Variants in ZNF76 observed in about 807,000 individuals in gnomAD.
ZNF76 encodes the protein zinc finger protein 523.
A neutral mutation model predicts 66.9 loss-of-function variants in ZNF76; 66 were observed. The observed-to-expected ratio is 0.99, with a 90% CI of 0.81 to 1.21. The LOEUF (loss-of-function observed/expected upper bound fraction) is 1.21. Among genes scored for constraint, ZNF76 ranks in the 50% most tolerant of loss-of-function variants. The pLI is 0.00. For synonymous variants in ZNF76, 275 were observed against 296.1 expected, an observed-to-expected ratio of 0.93 and a Z score of 0.73; for missense variants, 729 against 760.3, an observed-to-expected ratio of 0.96 and a Z score of 0.48.
chr6:35,294,878 C>T (rs1790960678), intron 13 of ZNF76: 2 of 573,020 alleles, frequency 3.5e-6, no homozygotes, highest in African/African-American at 1.9e-5. Flanking sequence ...TAGATGATCA[C>T]CACGGTTCTC....
intron 1 of ZNF76, among the ~76,000 whole-genome samples, chr6:35,260,212 G>A (rs945691374): frequency 2.0e-5 from 3 of 152,060 alleles, no homozygotes; most frequent in Admixed American, 6.5e-5. Context: ...GACTCCCTCA[G>A]TTTTAATCCG....
rs2150377272 is a variant in ZNF76, at chr6:35,292,465, C to A, written c.932-89C>A. On this transcript the variant is annotated intron_variant, in intron 9 of 13. Coordinates refer to ENST00000373953, the MANE Select transcript of ZNF76 (RefSeq NM_003427.5). The surrounding 1 kb of genome is among the most constrained non-coding windows in gnomAD (Gnocchi z 4.7). ...TCCCTCTCCCTCCCTCTGGCTCTCC[C>A]TTCACCAACCCTGTCCCTCACCCCT... is the stretch of plus-strand genomic sequence containing the variant. 7.1e-7 allele frequency: 1 copy of A among 1,416,782 alleles called. No homozygotes were observed. Among genetic ancestry groups the A allele is most frequent in the Non-Finnish European group, 9.8e-7 (1 of 1,018,324 alleles). The allele number at this position is 1,416,782 out of a possible 1,614,324, so 87.8% of individuals were successfully genotyped here. A position where few individuals can be genotyped will look rare whatever the true frequency, so the allele number is the denominator to read the frequency against.
chr6:35,265,520 A>AAAGAAG (rs200688463), intron 1 of ZNF76, among the ~76,000 whole-genome samples: 1 of 149,194 alleles, frequency 6.7e-6, no homozygotes, highest in Non-Finnish European at 1.5e-5. Context: ...AAAAAAAAAA[A>AAAGAAG]AAGAAGAAGA....
rs199936943 is a variant in ZNF76 at position 35,291,568 on chromosome 6, G to A, written c.762G>A (p.Pro254=). The A allele has an allele frequency of 6.6e-5, 106 of 1,613,478 alleles. No individual in the cohort carries two copies. The highest frequency in any genetic ancestry group is 1.8e-4 in the Admixed American group (11 of 59,994). ...CCACCATTTGCATAGGTGAACGCCC[G>A]TTCCAGTGCCCTTTTGAGGGCTGTG... ...KHVRTHTGER[P]FQCPFEGCGR... is the part of the protein sequence containing the mutation. Residue 254 remains proline (P), a synonymous_variant, in exon 9 of 14, where the codon CCG becomes CCA. Transcript: ENST00000373953.
intron 2 of ZNF76, among the ~76,000 whole-genome samples, chr6:35,283,941 G>C (rs372452236): frequency 6.6e-6 from 1 of 152,170 alleles, no homozygotes; most frequent in Admixed American, 6.5e-5. Flanking sequence ...GACTCAGTTT[G>C]GGAGCAAGTT....
At position 35,295,053 on chromosome 6, in the gene ZNF76, CAAAAA is replaced by C. The variant is rs113114842; in HGVS notation, c.1609-85_1609-81del. ...TGGCACTGGGTAGATGGGGGAGAGT[CAAAAA>C]AAAAAGTAGGCCACATATTACTAAC... is the stretch of plus-strand genomic sequence containing the variant. On this transcript the variant is annotated intron_variant, in intron 13 of 13. Coordinates refer to ENST00000373953, the MANE Select transcript of ZNF76 (RefSeq NM_003427.5). The C allele has an allele frequency of 9.4e-5, 79 of 843,820 alleles. No individual in the cohort carries two copies. The African/African-American group carries it at 1.3e-3, about 14-fold the overall frequency. The allele number at this position is 843,820 out of a possible 1,614,324, so 52.3% of individuals were successfully genotyped here.
chr6:35,271,906 A>G lies in ZNF76; in HGVS notation c.-96-9150A>G, dbSNP rs9469978. Among the ~76,000 whole-genome samples, 421 of 152,144 alleles carry G rather than the reference A, an allele frequency of 2.8e-3. 3 individuals are homozygous for G. Among genetic ancestry groups the G allele is most frequent in the African/African-American group, 9.3e-3 (385 of 41,520 alleles). ...GGAGATCAAGACCAGCCTGGGCAAC[A>G]TAATAAGACCTCATCTCTACAAAAA... On this transcript the variant is annotated intron_variant, in intron 1 of 13. Transcript: ENST00000373953.
intron 5 of ZNF76, chr6:35,288,102 C>A: frequency 1.5e-6 from 1 of 661,402 alleles, no homozygotes; most frequent in Non-Finnish European, 2.8e-6. Context: ...TTTACGCTGT[C>A]TTTGCAGAGG....
intron 4 of ZNF76, chr6:35,286,767 A>G (rs1011127032): frequency 9.6e-6 from 3 of 313,476 alleles, no homozygotes; most frequent in East Asian, 7.1e-5. Flanking sequence ...AAGAATAACA[A>G]TTTATTCCTT....
At chr6:35,261,968 C>G (rs1190718211) in intron 1 of ZNF76, among the ~76,000 whole-genome samples, 1 of 152,234 alleles carries the variant, frequency 6.6e-6, no homozygotes, top group East Asian at 1.9e-4. Context: ...GCCCCTATAA[C>G]AACAGATTTA....
chr6:35,266,508 C>T (rs145629099), intron 1 of ZNF76, among the ~76,000 whole-genome samples: 13 of 152,188 alleles, frequency 8.5e-5, no homozygotes, highest in Non-Finnish European at 1.5e-4. Flanking sequence ...GGAATTCACT[C>T]TTGAACATGT....
chr6:35,293,934 C>T lies in ZNF76; in HGVS notation c.1494+19C>T. The T allele has an allele frequency of 6.2e-7, 1 of 1,611,290 alleles. No individual in the cohort carries two copies. Among genetic ancestry groups the T allele is most frequent in the Non-Finnish European group, 8.5e-7 (1 of 1,178,056 alleles). ...GCAGCCCGTATGACCAGGCGGTTTG[C>T]TTGGGGTTTCTTATTTTGTCATTCC... On this transcript the variant is annotated intron_variant, in intron 12 of 13. Coordinates refer to ENST00000373953, the MANE Select transcript of ZNF76 (RefSeq NM_003427.5).
At chr6:35,266,241 C>G (rs868289320) in intron 1 of ZNF76, among the ~76,000 whole-genome samples, 18 of 152,014 alleles carry the variant, frequency 1.2e-4, no homozygotes, top group African/African-American at 4.3e-4. Context: ...CAACCTCCGC[C>G]TCCTGGGTTC....
intron 1 of ZNF76, among the ~76,000 whole-genome samples, chr6:35,276,805 T>A (rs1396352948): frequency 6.7e-6 from 1 of 148,400 alleles, no homozygotes; most frequent in Non-Finnish European, 1.5e-5. Flanking sequence ...TTTTTTTTTT[T>A]TTTTTTTGAG....
intron 1 of ZNF76, among the ~76,000 whole-genome samples, chr6:35,262,368 A>G (rs1340153390): frequency 6.6e-6 from 1 of 152,156 alleles, no homozygotes; most frequent in East Asian, 1.9e-4. Flanking sequence ...TGACCTTCCT[A>G]CTGCCATTTT....
chr6:35,265,506 C>CAAA (rs527326739), intron 1 of ZNF76, among the ~76,000 whole-genome samples: 8 of 68,542 alleles, frequency 1.2e-4, no homozygotes, highest in Non-Finnish European at 6.5e-5. Context: ...GACTCTGTCT[C>CAAA]AAAAAAAAAA....
intron 1 of ZNF76, chr6:35,279,389 T>TC (rs56347726): frequency 0.89 from 133,258 of 149,352 alleles, 59,656 homozygotes; most frequent in East Asian, 0.99. Context: ...TAAATAGAAT[T>TC]AGTTTCATTT....
At chr6:35,269,517 G>C (rs916460450) in intron 1 of ZNF76, among the ~76,000 whole-genome samples, 7 of 152,052 alleles carry the variant, frequency 4.6e-5, no homozygotes, top group African/African-American at 1.4e-4. Context: ...TGTTACCCTG[G>C]TACTATCTCA....
At chr6:35,276,791 G>T (rs868817157) in intron 1 of ZNF76, among the ~76,000 whole-genome samples, 5 of 97,042 alleles carry the variant, frequency 5.2e-5, no homozygotes, top group East Asian at 5.3e-4. Flanking sequence ...TTATTTATGG[G>T]TTTTTTTTTT....
Sources: allele counts gnomAD v4.1 joint callset (sites outside exome capture counted in the v4.1 genomes callset), GRCh38; gene constraint gnomAD v4.1.1; non-coding constraint Gnocchi (gnomAD v3.1); transcripts MANE v1.5; gene names NCBI Gene and HGNC (gene_info 2026-07-23, HGNC 2026-07-21).